The following SCNN1B variants were observed in gnomAD, a reference collection of about 807,000 sequenced individuals.
SCNN1B encodes the protein epithelial sodium channel subunit beta.
A neutral mutation model predicts 65.3 loss-of-function variants in SCNN1B; 46 were observed. The ratio of observed to expected loss-of-function variants is 0.70; its 90% CI spans 0.56 to 0.90. The LOEUF (loss-of-function observed/expected upper bound fraction) is 0.90. SCNN1B is among the 40% of genes least tolerant of loss of function. The pLI is 0.00. For missense variants in SCNN1B, 751 were observed against 830.5 expected (o/e 0.90, Z 1.18); for synonymous variants, 349 against 330.6 (o/e 1.06, Z -0.60).
intron 2 of SCNN1B, among the ~76,000 whole-genome samples, chr16:23,290,827 G>A (rs1013002371): frequency 1.3e-5 from 2 of 152,102 alleles, no homozygotes; most frequent in African/African-American, 4.8e-5. Flanking sequence ...GTGATTTCAG[G>A]CCACTTAAGT....
At position 23,289,664 on chromosome 16, in the gene SCNN1B, A is replaced by G. The variant is rs985581380; in HGVS notation, n.178+5860A>G. 4.7e-5 allele frequency among the ~76,000 whole-genome samples: 7 copies of G among 148,574 alleles called. No individual in the cohort carries two copies. The South Asian group carries it at 1.5e-3, about 32-fold the overall frequency. On this transcript the variant is annotated intron_variant and non_coding_transcript_variant, in intron 2 of 3. Transcript: ENST00000569789. The stretch of plus-strand genomic sequence containing the variant: ...CCACAGCTTTACTGTTTACTACTCC[A>G]ATATTTAACTTTTTTTTTTTTTTTT...
chr16:23,355,630 G>T, intron 4 of SCNN1B, 141 bp downstream of exon 4: 1 of 858,432 alleles, frequency 1.2e-6, no homozygotes. Flanking sequence ...TCTGTGCCTC[G>T]GTGTCTTTTA....
intron 5 of SCNN1B, among the ~76,000 whole-genome samples, chr16:23,369,756 T>A (rs769504931): frequency 3.9e-5 from 6 of 152,182 alleles, no homozygotes; most frequent in Middle Eastern, 3.4e-3. Context: ...CAGAGGCAGA[T>A]GGTTATAGTC....
intron 4 of SCNN1B, among the ~76,000 whole-genome samples, chr16:23,360,201 A>AAT (rs1555488435): frequency 6.8e-5 from 9 of 132,854 alleles, no homozygotes; most frequent in Admixed American, 3.7e-4. Context: ...CCATCTCAAA[A>AAT]AAATAAATAA....
At chr16:23,323,255 G>T (rs1285109092) in intron 1 of SCNN1B, among the ~76,000 whole-genome samples, 1 of 151,948 alleles carries the variant, frequency 6.6e-6, no homozygotes, top group Non-Finnish European at 1.5e-5. Context: ...CATTCACAGA[G>T]GACTTCTTGG....
At chr16:23,305,350 G>A (rs1236050239) in intron 1 of SCNN1B, among the ~76,000 whole-genome samples, 2 of 150,814 alleles carry the variant, frequency 1.3e-5, no homozygotes, top group Non-Finnish European at 3.0e-5. Flanking sequence ...ATCCTCTTGA[G>A]ATATCAGTAA....
chr16:23,280,199 G>C (rs1960765383), intron 1 of SCNN1B, among the ~76,000 whole-genome samples: 1 of 151,844 alleles, frequency 6.6e-6, no homozygotes, highest in African/African-American at 2.4e-5. Context: ...TGAGAGGGAA[G>C]TATCATTTTT....
intron 2 of SCNN1B, among the ~76,000 whole-genome samples, chr16:23,287,738 A>G (rs1206116098): frequency 6.6e-6 from 1 of 151,990 alleles, no homozygotes; most frequent in Non-Finnish European, 1.5e-5. Flanking sequence ...AGTGACACTC[A>G]GTCTAAAAAT....
upstream of SCNN1B, among the ~76,000 whole-genome samples, chr16:23,298,499 G>A (rs572758330): frequency 2.3e-4 from 35 of 152,326 alleles, no homozygotes; most frequent in African/African-American, 8.2e-4. Flanking sequence ...TAACTTCCCG[G>A]CGTTGCCATG....
intron 1 of SCNN1B, among the ~76,000 whole-genome samples, chr16:23,317,158 A>G (rs1184932630): frequency 2.6e-5 from 4 of 152,194 alleles, no homozygotes; most frequent in African/African-American, 9.7e-5. Context: ...TTGACCTAAC[A>G]TCTCTGAAAC....
chr16:23,330,426 G>C (rs1289863069), intron 1 of SCNN1B, among the ~76,000 whole-genome samples: 3 of 152,210 alleles, frequency 2.0e-5, no homozygotes, highest in African/African-American at 7.2e-5. Context: ...GGCCTTGGAA[G>C]GAACAGGAAA....
At chr16:23,297,107 G>A (rs1002500300) in intron 2 of SCNN1B, among the ~76,000 whole-genome samples, 2 of 152,064 alleles carry the variant, frequency 1.3e-5, no homozygotes, top group Non-Finnish European at 2.9e-5. Flanking sequence ...GGGGGCCTCC[G>A]GACCTGTAGG....
chr16:23,332,495 C>G (rs890723606), intron 1 of SCNN1B, among the ~76,000 whole-genome samples: 7 of 152,042 alleles, frequency 4.6e-5, no homozygotes, highest in Non-Finnish European at 1.0e-4. Flanking sequence ...CAGCACCCGG[C>G]CTCGTTTTTT....
At position 23,315,506 on chromosome 16, in the gene SCNN1B, A is replaced by G. The variant is rs75443110; in HGVS notation, c.-9+13069A>G. On this transcript the variant is annotated intron_variant, in intron 1 of 12. Transcript: ENST00000343070. ...GACCCAGCATGTATAAGCACTTACTATAGAACAGGCATGGGAGCCTAGTGC... is the reference window on the plus strand; with the variant it reads ...GACCCAGCATGTATAAGCACTTACTGTAGAACAGGCATGGGAGCCTAGTGC... 1.8e-3 allele frequency among the ~76,000 whole-genome samples: 271 copies of G among 152,308 alleles called. 3 individuals carry two copies. The highest frequency in any genetic ancestry group is 6.2e-3 in the African/African-American group (258 of 41,580).
At chr16:23,296,581 T>G (rs1961000168) in intron 2 of SCNN1B, among the ~76,000 whole-genome samples, 1 of 152,006 alleles carries the variant, frequency 6.6e-6, no homozygotes, top group African/African-American at 2.4e-5. Context: ...GAACAAAAAT[T>G]TAAAGGGCTG....
intron 1 of SCNN1B, among the ~76,000 whole-genome samples, chr16:23,331,499 A>AT (rs1050918590): frequency 1.1e-4 from 16 of 151,364 alleles, no homozygotes; most frequent in Admixed American, 4.6e-4. Flanking sequence ...TAATTTTTGT[A>AT]TTTTTTTTAG....
At chr16:23,343,471 A>G (rs1962096144) in intron 1 of SCNN1B, among the ~76,000 whole-genome samples, 1 of 117,230 alleles carries the variant, frequency 8.5e-6, no homozygotes, top group African/African-American at 4.9e-5. Context: ...AAAGGAAAAG[A>G]AAGAAAGGAA....
chr16:23,375,649 A>G (rs1332539665), intron 7 of SCNN1B, 89 bp from the exon 8 acceptor site: 4 of 939,058 alleles, frequency 4.3e-6, no homozygotes, highest in South Asian at 1.3e-5. Context: ...TAACTTGGGC[A>G]TCACTTCTCT....
At chr16:23,304,525 C>T (rs1403628732) in intron 1 of SCNN1B, among the ~76,000 whole-genome samples, 1 of 152,220 alleles carries the variant, frequency 6.6e-6, no homozygotes, top group Non-Finnish European at 1.5e-5. Context: ...TCGGGGCCAC[C>T]TCCAGGGGTT....
Sources: allele counts gnomAD v4.1 joint callset (sites outside exome capture counted in the v4.1 genomes callset), GRCh38; gene constraint gnomAD v4.1.1; transcripts MANE v1.5; gene names NCBI Gene and HGNC (gene_info 2026-07-23, HGNC 2026-07-21).